MRTFA: variants seen among roughly 807,000 people sequenced by gnomAD.
MRTFA encodes myocardin related transcription factor A.
MRTFA carries 20 observed loss-of-function variants against 83.5 expected under a neutral mutation model. The observed-to-expected ratio is 0.24, with a 90% CI of 0.17 to 0.35. MRTFA has a LOEUF of 0.35. Among genes scored for constraint, MRTFA ranks in the 10% least tolerant of loss-of-function variants. The pLI, the probability that MRTFA is intolerant of heterozygous loss-of-function variation, is 1.00. For synonymous variants in MRTFA, 659 were observed against 541.2 expected (o/e 1.22, Z -3.02); for missense variants, 1,200 against 1,224.7 (o/e 0.98, Z 0.30).
chr22:40,543,446 G>A (rs944772021), intron 3 of MRTFA, among the ~76,000 whole-genome samples: 3 of 152,132 alleles, frequency 2.0e-5, no homozygotes, highest in Non-Finnish European at 4.4e-5. Flanking sequence ...CTGTGAAAGA[G>A]GAAAGGCCCT....
chr22:40,518,175 C>A (rs1200477473), intron 3 of MRTFA, among the ~76,000 whole-genome samples: 1 of 152,068 alleles, frequency 6.6e-6, no homozygotes, highest in African/African-American at 2.4e-5. Context: ...GTGAGTCGTT[C>A]TAGCAAATGA....
At chr22:40,446,647 A>G (rs1028367802) in intron 4 of MRTFA, among the ~76,000 whole-genome samples, 28 of 152,366 alleles carry the variant, frequency 1.8e-4, no homozygotes, top group African/African-American at 6.0e-4. Context: ...TAAGGCTTAT[A>G]AAGTTTCCAG....
At chr22:40,503,804 C>A (rs1000090353) in intron 3 of MRTFA, among the ~76,000 whole-genome samples, 1 of 152,156 alleles carries the variant, frequency 6.6e-6, no homozygotes, top group Non-Finnish European at 1.5e-5. Flanking sequence ...TGCCTGTAAT[C>A]CCAGCTACTC....
intron 4 of MRTFA, among the ~76,000 whole-genome samples, chr22:40,444,786 G>A (rs1602252604): frequency 6.6e-6 from 1 of 152,088 alleles, no homozygotes; most frequent in African/African-American, 2.4e-5. Flanking sequence ...AAAAAATGAG[G>A]GCCTGGTGCA....
At chr22:40,417,283 C>T in intron 13 of MRTFA, 58 bp downstream of exon 13, 3 of 1,575,840 alleles carry the variant, frequency 1.9e-6, no homozygotes, top group South Asian at 2.3e-5. Context: ...GTAGGAGCCT[C>T]AGCCCAGCAG....
chr22:40,603,846 C>G (rs2056287683), intron 1 of MRTFA, among the ~76,000 whole-genome samples: 1 of 150,700 alleles, frequency 6.6e-6, no homozygotes, highest in South Asian at 2.1e-4. Context: ...CTCCTGGGCT[C>G]AAGTGATCCT....
intron 3 of MRTFA, among the ~76,000 whole-genome samples, chr22:40,500,374 A>AT (rs1209894398): frequency 6.8e-5 from 7 of 103,340 alleles, no homozygotes; most frequent in East Asian, 2.7e-4. Context: ...TTCATTTTTT[A>AT]TTTTTTTTAT....
chr22:40,621,241 T>A (rs2056519693), intron 1 of MRTFA, among the ~76,000 whole-genome samples: 1 of 151,152 alleles, frequency 6.6e-6, no homozygotes, highest in African/African-American at 2.4e-5. Flanking sequence ...AAATTCTACA[T>A]GCAGCAATCA....
intron 9 of MRTFA, among the ~76,000 whole-genome samples, chr22:40,421,322 G>A (rs866496244): frequency 6.6e-6 from 1 of 152,140 alleles, no homozygotes; most frequent in African/African-American, 2.4e-5. Flanking sequence ...GGCTATGCCT[G>A]ACCCCCGACT....
intron 3 of MRTFA, among the ~76,000 whole-genome samples, chr22:40,485,458 G>A (rs1438452470): frequency 6.6e-6 from 1 of 152,108 alleles, no homozygotes; most frequent in Non-Finnish European, 1.5e-5. Flanking sequence ...AGACTCCAAT[G>A]GTGTGTGAAG....
intron 7 of MRTFA, among the ~76,000 whole-genome samples, chr22:40,424,998 G>T (rs894068384): frequency 1.3e-5 from 2 of 152,240 alleles, no homozygotes; most frequent in Non-Finnish European, 2.9e-5. Context: ...CAGGTGAAAT[G>T]GAGGTGGTGT....
intron 2 of MRTFA, among the ~76,000 whole-genome samples, chr22:40,565,478 T>C (rs557478358): frequency 1.2e-4 from 18 of 152,198 alleles, no homozygotes; most frequent in African/African-American, 4.3e-4. Flanking sequence ...GCCCAGGAGG[T>C]AGAGACTGCA....
intron 3 of MRTFA, 83 bp from the exon 4 acceptor site, chr22:40,463,369 A>T (rs2053750054): frequency 1.6e-6 from 2 of 1,233,390 alleles, no homozygotes; most frequent in East Asian, 2.3e-5. Flanking sequence ...ACGCAAAAAA[A>T]GTCTAAAAAC....
intron 14 of MRTFA, among the ~76,000 whole-genome samples, chr22:40,415,696 G>A (rs1160174747): frequency 6.6e-6 from 1 of 151,958 alleles, no homozygotes; most frequent in Admixed American, 6.6e-5. Context: ...GCTATTTCCT[G>A]CCCAGCATCT....
chr22:40,586,393 C>T (rs2056028976), intron 2 of MRTFA, among the ~76,000 whole-genome samples: 1 of 152,054 alleles, frequency 6.6e-6, no homozygotes, highest in African/African-American at 2.4e-5. Flanking sequence ...GGAATAATGC[C>T]AATCTTCTTT....
At chr22:40,481,798 C>T (rs1025544636) in intron 3 of MRTFA, among the ~76,000 whole-genome samples, 6 of 152,046 alleles carry the variant, frequency 3.9e-5, no homozygotes, top group Non-Finnish European at 7.4e-5. Context: ...CGGTGGCTCA[C>T]GCCTGTAATC....
chr22:40,511,415 G>C (rs929048622), intron 3 of MRTFA, among the ~76,000 whole-genome samples: 1 of 152,216 alleles, frequency 6.6e-6, no homozygotes, highest in African/African-American at 2.4e-5. Flanking sequence ...AGATGTCCAG[G>C]TGGGAAGAAT....
chr22:40,613,025 C>T (rs1469004769), intron 1 of MRTFA, among the ~76,000 whole-genome samples: 1 of 152,194 alleles, frequency 6.6e-6, no homozygotes, highest in Non-Finnish European at 1.5e-5. Context: ...TGCATCTAAT[C>T]ACCACTGATC....
At chr22:40,422,464 G>C (rs1265012789) in intron 9 of MRTFA, among the ~76,000 whole-genome samples, 1 of 152,264 alleles carries the variant, frequency 6.6e-6, no homozygotes, top group Admixed American at 6.5e-5. Context: ...CCTGCTGACA[G>C]TGAGAAGAGA....
Sources: allele counts gnomAD v4.1 joint callset (sites outside exome capture counted in the v4.1 genomes callset), GRCh38; gene constraint gnomAD v4.1.1; transcripts MANE v1.5; gene names NCBI Gene and HGNC (gene_info 2026-07-23, HGNC 2026-07-21).